Variants in PUS10 observed in about 807,000 individuals in gnomAD.
The protein encoded by PUS10 is tRNA pseudouridine synthase Pus10.
In PUS10, 59 loss-of-function variants were observed where a neutral mutation model predicts 75.0. That is an observed-to-expected ratio of 0.79 (90% CI 0.64 to 0.98). The LOEUF (loss-of-function observed/expected upper bound fraction) is 0.98. Among genes scored for constraint, PUS10 ranks in the 50% least tolerant of loss-of-function variants. PUS10 has a pLI of 0.00. For missense variants in PUS10, 650 were observed against 614.4 expected, an observed-to-expected ratio of 1.06 and a Z score of -0.61; for synonymous variants, 219 against 211.6, an observed-to-expected ratio of 1.03 and a Z score of -0.30.
rs867869341 is a variant in PUS10 at position 60,954,911 on chromosome 2, G to T, written c.1057+107C>A. ...GCTTCCTCCCTTGGAGAAGCTCTGG[G>T]CCTTGCTCACTTTGTTTTTCACTGA... is the stretch of plus-strand genomic sequence containing the variant. On this transcript the variant is annotated intron_variant, in intron 12 of 17. Transcript: ENST00000316752. 32 of 660,888 alleles carry T rather than the reference G, an allele frequency of 4.8e-5. No individual in the cohort carries two copies. The Middle Eastern group carries it at 7.6e-4, about 16-fold the overall frequency. The allele number at this position is 660,888 out of a possible 1,614,324, so 40.9% of individuals were successfully genotyped here.
Position 60,947,534 on chromosome 2 carries a change from G to GA in PUS10, c.1451+508dup, listed in dbSNP as rs1675021046. ...CTACCTCAGGGTTTAGAATCATTTT[G>GA]AAAAACAAATTTAGGCCAGGCGCGG... is the stretch of plus-strand genomic sequence containing the variant. On this transcript the variant is annotated intron_variant, in intron 16 of 17. Coordinates refer to ENST00000316752, the MANE Select transcript of PUS10 (RefSeq NM_144709.4). Among the ~76,000 whole-genome samples, 3 of 152,060 alleles carry GA rather than the reference G, an allele frequency of 2.0e-5. No homozygotes were observed. The South Asian group carries it at 6.2e-4, about 31-fold the overall frequency.
At chr2:61,008,298 C>T (rs943156261) in intron 3 of PUS10, among the ~76,000 whole-genome samples, 4 of 151,970 alleles carry the variant, frequency 2.6e-5, no homozygotes, top group Admixed American at 6.6e-5. Flanking sequence ...CCAAGGCAGG[C>T]GAATCATCTG....
chr2:60,987,399 G>A (rs1477106296), intron 4 of PUS10, among the ~76,000 whole-genome samples: 1 of 151,834 alleles, frequency 6.6e-6, no homozygotes, highest in East Asian at 1.9e-4. Context: ...AGGAAGGGAG[G>A]GAGGAAGAAA....
intron 4 of PUS10, among the ~76,000 whole-genome samples, chr2:60,984,144 T>A (rs559371021): frequency 6.6e-6 from 1 of 152,172 alleles, no homozygotes; most frequent in African/African-American, 2.4e-5. Context: ...AAAAGTTCCA[T>A]AAAATTAGAA....
intron 3 of PUS10, 46 bp from the exon 4 acceptor site, chr2:61,006,689 A>C: frequency 1.4e-6 from 2 of 1,430,126 alleles, no homozygotes; most frequent in Non-Finnish European, 2.0e-6. Context: ...ATTGCTGAAA[A>C]TATTACTTAC....
chr2:60,957,989 G>A (rs1675786968), intron 11 of PUS10, among the ~76,000 whole-genome samples: 1 of 152,252 alleles, frequency 6.6e-6, no homozygotes, highest in Non-Finnish European at 1.5e-5. Flanking sequence ...TCTGTAAAAG[G>A]TATAACTACC....
Position 61,018,060 on chromosome 2 carries a change from G to A in PUS10, c.-68C>T. 6.7e-7 allele frequency: 1 copy of A among 1,494,108 alleles called. No individual in the cohort carries two copies. Among genetic ancestry groups the A allele is most frequent in the South Asian group, 1.3e-5 (1 of 76,566 alleles). The allele number at this position is 1,494,108 out of a possible 1,614,324, so 92.6% of individuals were successfully genotyped here. A position where few individuals can be genotyped will look rare whatever the true frequency, so the allele number is the denominator to read the frequency against. On this transcript the variant is annotated 5_prime_UTR_variant, in exon 1 of 18. Transcript: ENST00000316752. ...GTTTCTGACCCGGCAGCTCTAATCA[G>A]CAACGTTTTTTTCGGGAGCTCCTGG...
chr2:60,967,656 C>A, intron 5 of PUS10, 43 bp from the exon 6 acceptor site: 1 of 1,382,944 alleles, frequency 7.2e-7, no homozygotes. Flanking sequence ...AAAAACTTTA[C>A]TTTTTCTATT....
chr2:61,009,178 G>A (rs1379706691), intron 2 of PUS10, among the ~76,000 whole-genome samples, 163 bp from the exon 3 acceptor site: 2 of 152,088 alleles, frequency 1.3e-5, no homozygotes, highest in Non-Finnish European at 1.5e-5. Flanking sequence ...GCCAGCATTG[G>A]CTTTTATGGA....
intron 4 of PUS10, among the ~76,000 whole-genome samples, chr2:60,975,730 C>T (rs1391844903): frequency 2.0e-5 from 3 of 149,860 alleles, no homozygotes; most frequent in African/African-American, 4.9e-5. Flanking sequence ...AATTTTGTCC[C>T]GCCCTTCCTT....
At chr2:60,947,248 A>G (rs1224172069) in intron 16 of PUS10, among the ~76,000 whole-genome samples, 1 of 152,162 alleles carries the variant, frequency 6.6e-6, no homozygotes, top group African/African-American at 2.4e-5. Flanking sequence ...GTAGACAAAG[A>G]TATTCTCTGT....
At chr2:60,999,734 T>C (rs143452015) in intron 4 of PUS10, among the ~76,000 whole-genome samples, 4 of 152,194 alleles carry the variant, frequency 2.6e-5, no homozygotes, top group Admixed American at 6.5e-5. Flanking sequence ...TCTTTCTATG[T>C]ATCTTGGCCA....
rs376340811 is a variant in PUS10 at position 61,006,635 on chromosome 2, T to C, written c.390A>G (p.Gln130=). The change falls in exon 4 of 18, where the codon CAA becomes CAG. Residue 130 remains glutamine, a synonymous_variant. Coordinates refer to ENST00000316752, the MANE Select transcript of PUS10 (RefSeq NM_144709.4). ...CEKDFIKKVC[Q]KVEASGFEFT... ...ATTCAAACCCAGAGGCCTCAACCTT[T>C]TGGCACACCTGAAAAAGCATTACAA... is the stretch of plus-strand genomic sequence containing the variant. 96 of 1,611,408 alleles carry C rather than the reference T, an allele frequency of 6.0e-5. No homozygotes were observed. Among genetic ancestry groups the C allele is most frequent in the Admixed American group, 1.3e-4 (8 of 59,560 alleles).
chr2:61,018,178 T>G lies in PUS10; in HGVS notation c.-186A>C. 1 of 1,550,830 alleles carries G rather than the reference T, an allele frequency of 6.4e-7. No homozygotes were observed. Among genetic ancestry groups the G allele is most frequent in the East Asian group, 2.4e-5 (1 of 41,056 alleles). The stretch of plus-strand genomic sequence containing the variant: ...CTTTGACAGAATGGCTTCTCTATCT[T>G]TAAAGCGTAGACTTTGGTCTGTAGC... On this transcript the variant is annotated 5_prime_UTR_variant, in exon 1 of 18. Coordinates refer to ENST00000316752, the MANE Select transcript of PUS10 (RefSeq NM_144709.4).
chr2:60,988,998 C>T (rs1183161209), intron 4 of PUS10, among the ~76,000 whole-genome samples: 1 of 151,986 alleles, frequency 6.6e-6, no homozygotes, highest in Non-Finnish European at 1.5e-5. Flanking sequence ...GTTAAAACTG[C>T]ATAAAATCCA....
intron 4 of PUS10, among the ~76,000 whole-genome samples, chr2:60,993,391 A>G (rs756217800): frequency 6.6e-6 from 1 of 152,068 alleles, no homozygotes; most frequent in Non-Finnish European, 1.5e-5. Flanking sequence ...CGTGAGGTGG[A>G]CGTTGCAGTG....
At chr2:60,977,284 G>A (rs1162839320) in intron 4 of PUS10, among the ~76,000 whole-genome samples, 1 of 152,136 alleles carries the variant, frequency 6.6e-6, no homozygotes, top group Admixed American at 6.6e-5. Context: ...GTTAAAAATG[G>A]TGTGTTGCAA....
At chr2:60,950,830 A>G (rs1675292009) in intron 15 of PUS10, among the ~76,000 whole-genome samples, 1 of 152,172 alleles carries the variant, frequency 6.6e-6, no homozygotes, top group Non-Finnish European at 1.5e-5. Context: ...TGCCACTTAA[A>G]GCCCTTAAAC....
rs1676409965 is a variant in PUS10, at chr2:60,967,487, C to G, written c.615+15G>C. ...AAATCAGAGAATAAAATTAACAATG[C>G]TGTTGACCCAATACCTTTCCATCAA... On this transcript the variant is annotated intron_variant, in intron 6 of 17. Coordinates refer to ENST00000316752, the MANE Select transcript of PUS10 (RefSeq NM_144709.4). The G allele has an allele frequency of 6.8e-7, 1 of 1,461,332 alleles. No homozygotes were observed. The highest frequency in any genetic ancestry group is 1.4e-5 in the African/African-American group (1 of 70,930). 90.5% of individuals were successfully genotyped at this position (1,461,332 alleles called of 1,614,324 possible). A position where few individuals can be genotyped will look rare whatever the true frequency, so the allele number is the denominator to read the frequency against.
Sources: gnomAD v4.1 joint callset for allele counts (sites outside exome capture counted in the v4.1 genomes callset) on GRCh38, gnomAD v4.1.1 for gene constraint, MANE v1.5 for transcripts, NCBI Gene and HGNC (gene_info 2026-07-23, HGNC 2026-07-21) for gene names.